BRINP3: variants seen among roughly 807,000 people sequenced by gnomAD.
BRINP3 encodes the protein BMP/retinoic acid inducible neural specific 3.
Under a neutral mutation model 71.0 loss-of-function variants are expected in BRINP3, and 19 were observed. The observed-to-expected ratio is 0.27, with a 90% CI of 0.19 to 0.39. The LOEUF (loss-of-function observed/expected upper bound fraction) is 0.39, where lower values mean the gene tolerates loss of function less well. Ranked by LOEUF, BRINP3 falls within the 10% of genes least tolerant of loss-of-function variation. The pLI is 1.00. For missense variants in BRINP3, 959 were observed against 940.8 expected (o/e 1.02, Z -0.25); for synonymous variants, 380 against 337.7 (o/e 1.13, Z -1.37).
At chr1:190,399,623 CATA>C (rs902701998) in intron 2 of BRINP3, among the ~76,000 whole-genome samples, 4 of 151,982 alleles carry the variant, frequency 2.6e-5, no homozygotes, top group African/African-American at 7.2e-5. Flanking sequence ...AAATATATTA[CATA>C]ATGTTTCCTT....
intron 3 of BRINP3, among the ~76,000 whole-genome samples, chr1:190,275,114 T>C (rs1337286866): frequency 1.3e-5 from 2 of 151,586 alleles, no homozygotes; most frequent in African/African-American, 4.8e-5. Flanking sequence ...ATACTCTCGA[T>C]AGTAGTACAA....
chr1:190,466,139 G>GTTTT (rs397949306), intron 1 of BRINP3, among the ~76,000 whole-genome samples: 1 of 147,100 alleles, frequency 6.8e-6, no homozygotes. Context: ...GTTTTACAAA[G>GTTTT]TTTTTTTTTT....
chr1:190,234,002 A>G (rs1476807802), intron 5 of BRINP3, among the ~76,000 whole-genome samples: 7 of 152,204 alleles, frequency 4.6e-5, no homozygotes, highest in Admixed American at 3.9e-4. Flanking sequence ...TTCATTTTAT[A>G]CCATGCATAA....
intron 2 of BRINP3, 37 bp downstream of exon 2, chr1:190,454,618 A>T: frequency 6.4e-7 from 1 of 1,553,834 alleles, no homozygotes; most frequent in Non-Finnish European, 8.8e-7. Context: ...ACCTTCAAGG[A>T]TGATATTTCT....
intron 1 of BRINP3, among the ~76,000 whole-genome samples, chr1:190,468,972 G>A (rs1444615687): frequency 6.6e-6 from 1 of 150,684 alleles, no homozygotes; most frequent in African/African-American, 2.4e-5. Context: ...TAATAATGCT[G>A]TCTTTGAGTT....
At chr1:190,439,336 T>A (rs987586692) in intron 2 of BRINP3, among the ~76,000 whole-genome samples, 2 of 151,910 alleles carry the variant, frequency 1.3e-5, no homozygotes, top group African/African-American at 4.8e-5. Flanking sequence ...AATGTTTTTT[T>A]ATATAACCTC....
intron 7 of BRINP3, among the ~76,000 whole-genome samples, chr1:190,148,551 G>A (rs998014527): frequency 3.3e-5 from 5 of 151,172 alleles, no homozygotes; most frequent in Non-Finnish European, 5.9e-5. Context: ...AGCTGAGATC[G>A]CGCCGCTGTA....
At chr1:190,169,356 G>C (rs1312286802) in intron 6 of BRINP3, among the ~76,000 whole-genome samples, 2 of 152,088 alleles carry the variant, frequency 1.3e-5, no homozygotes, top group African/African-American at 4.8e-5. Flanking sequence ...ATCTGTATTG[G>C]TGTGGCAGAT....
intron 2 of BRINP3, among the ~76,000 whole-genome samples, chr1:190,448,056 T>G (rs1428190510): frequency 6.6e-6 from 1 of 151,758 alleles, no homozygotes; most frequent in Admixed American, 6.6e-5. Flanking sequence ...TTTATGTTTT[T>G]AAATTTTTAT....
chr1:190,421,285 G>T (rs1673360114), intron 2 of BRINP3, among the ~76,000 whole-genome samples: 1 of 131,392 alleles, frequency 7.6e-6, no homozygotes, highest in African/African-American at 2.9e-5. Context: ...ATTTGAACAA[G>T]ATTCTCATTA....
At chr1:190,445,760 T>C (rs758534520) in intron 2 of BRINP3, among the ~76,000 whole-genome samples, 1 of 152,142 alleles carries the variant, frequency 6.6e-6, no homozygotes, top group Non-Finnish European at 1.5e-5. Flanking sequence ...CTGATAATTC[T>C]GGCAATTTCA....
chr1:190,417,760 T>C (rs1673104814), intron 2 of BRINP3, among the ~76,000 whole-genome samples: 1 of 152,174 alleles, frequency 6.6e-6, no homozygotes, highest in South Asian at 2.1e-4. Context: ...ATAAGGTACT[T>C]TCTTCTCCTA....
chr1:190,470,221 C>T (rs1453881405), intron 1 of BRINP3, among the ~76,000 whole-genome samples: 1 of 150,946 alleles, frequency 6.6e-6, no homozygotes, highest in Non-Finnish European at 1.5e-5. Context: ...ATGAGCTTGG[C>T]TAATACTCAC....
chr1:190,387,307 G>A (rs908168087), intron 2 of BRINP3, among the ~76,000 whole-genome samples: 2 of 151,946 alleles, frequency 1.3e-5, no homozygotes, highest in Non-Finnish European at 2.9e-5. Flanking sequence ...CTTGAAAACA[G>A]TTCATGTGCA....
intron 2 of BRINP3, among the ~76,000 whole-genome samples, chr1:190,310,752 C>G (rs1361416296): frequency 6.6e-6 from 1 of 151,698 alleles, no homozygotes; most frequent in African/African-American, 2.4e-5. Context: ...ACCTAAGCCT[C>G]CACCTTTTCT....
At chr1:190,284,712 A>C (rs1359653396) in intron 2 of BRINP3, among the ~76,000 whole-genome samples, 1 of 152,068 alleles carries the variant, frequency 6.6e-6, no homozygotes, top group African/African-American at 2.4e-5. Context: ...CTAATATTTC[A>C]AATGATAAAA....
At chr1:190,285,780 T>C (rs780911465) in intron 2 of BRINP3, among the ~76,000 whole-genome samples, 4 of 151,974 alleles carry the variant, frequency 2.6e-5, no homozygotes, top group Non-Finnish European at 5.9e-5. Flanking sequence ...AACTAGATCA[T>C]GCATTCATTA....
intron 7 of BRINP3, among the ~76,000 whole-genome samples, chr1:190,139,855 A>G (rs1352461317): frequency 6.6e-6 from 1 of 152,162 alleles, no homozygotes; most frequent in Admixed American, 6.5e-5. Flanking sequence ...TGTTTTGGAT[A>G]CTCATTATGT....
At chr1:190,223,996 C>A (rs1225422358) in intron 6 of BRINP3, among the ~76,000 whole-genome samples, 2 of 151,438 alleles carry the variant, frequency 1.3e-5, no homozygotes, top group African/African-American at 4.8e-5. Context: ...CAAGAAAACA[C>A]ACAAATAATG....
Sources: gnomAD v4.1 joint callset for allele counts (sites outside exome capture counted in the v4.1 genomes callset) on GRCh38, gnomAD v4.1.1 for gene constraint, MANE v1.5 for transcripts, NCBI Gene and HGNC (gene_info 2026-07-23, HGNC 2026-07-21) for gene names.